The following SNTG2 variants were observed in gnomAD, a reference collection of about 807,000 sequenced individuals.
SNTG2 encodes the protein gamma-2-syntrophin.
Under a neutral mutation model 70.9 loss-of-function variants are expected in SNTG2, and 74 were observed. That is an observed-to-expected ratio of 1.04 (90% CI 0.86 to 1.27). SNTG2 has a LOEUF of 1.27. Among genes scored for constraint, SNTG2 ranks in the 50% most tolerant of loss-of-function variants. The pLI is 0.00. For missense variants in SNTG2, 717 were observed against 690.7 expected (o/e 1.04, Z -0.43); for synonymous variants, 278 against 273.8 (o/e 1.02, Z -0.15).
chr2:1,114,111 C>A (rs1354285264), intron 4 of SNTG2, among the ~76,000 whole-genome samples: 2 of 150,894 alleles, frequency 1.3e-5, no homozygotes, highest in African/African-American at 4.9e-5. Flanking sequence ...CCCTTACAGT[C>A]CTTTGAGGAG....
intron 16 of SNTG2, among the ~76,000 whole-genome samples, chr2:1,339,874 G>A (rs552772830): frequency 2.0e-5 from 3 of 152,178 alleles, no homozygotes; most frequent in East Asian, 3.9e-4. Flanking sequence ...CTATGCTAAC[G>A]ACCAAATGAG....
At chr2:1,069,879 C>G (rs763167151) in intron 1 of SNTG2, among the ~76,000 whole-genome samples, 5 of 152,104 alleles carry the variant, frequency 3.3e-5, no homozygotes, top group African/African-American at 1.2e-4. Flanking sequence ...GAGATGTCCC[C>G]GGGAACTCTG....
At position 1,092,255 on chromosome 2, in the gene SNTG2, G is replaced by A. The variant is rs34290267; in HGVS notation, c.211-5941G>A. ...CTTTCAAGCCCTTCAATTAGAGAGA[G>A]AAAAAAAAACCCTTATTTTCTAGGT... On this transcript the variant is annotated intron_variant, in intron 2 of 16. Transcript: ENST00000308624. Among the ~76,000 whole-genome samples, 240 of 25,390 alleles carry A rather than the reference G, an allele frequency of 9.5e-3. 2 individuals are homozygous for A. Among genetic ancestry groups the A allele is most frequent in the African/African-American group, 0.034 (174 of 5,078 alleles). 16.7% of individuals were successfully genotyped at this position (25,390 alleles called of 152,430 possible).
At chr2:956,739 C>T (rs908132451) in intron 1 of SNTG2, among the ~76,000 whole-genome samples, 2 of 152,224 alleles carry the variant, frequency 1.3e-5, no homozygotes, top group African/African-American at 4.8e-5. Context: ...TGGTAGCTGA[C>T]CCATGTGTCA....
At chr2:958,919 A>G (rs564137176) in intron 1 of SNTG2, among the ~76,000 whole-genome samples, 5 of 152,352 alleles carry the variant, frequency 3.3e-5, no homozygotes, top group African/African-American at 1.2e-4. Context: ...GGTAAGAGTT[A>G]AGAAATTAGA....
At chr2:1,223,470 G>A (rs541648681) in intron 9 of SNTG2, among the ~76,000 whole-genome samples, 31 of 152,258 alleles carry the variant, frequency 2.0e-4, no homozygotes, top group South Asian at 4.1e-4. Flanking sequence ...CAACTGCGTC[G>A]GATTCCTCAG....
chr2:1,011,800 T>TA (rs142130789), intron 1 of SNTG2, among the ~76,000 whole-genome samples: 1 of 152,122 alleles, frequency 6.6e-6, no homozygotes, highest in Non-Finnish European at 1.5e-5. Flanking sequence ...TATTATCAAC[T>TA]AAAAAACACA....
chr2:1,208,368 G>A (rs1289648140), intron 8 of SNTG2, among the ~76,000 whole-genome samples: 1 of 150,838 alleles, frequency 6.6e-6, no homozygotes, highest in African/African-American at 2.4e-5. Context: ...GGTCGCTGGG[G>A]CGGCAGCACC....
chr2:1,070,431 A>G (rs183611954), intron 1 of SNTG2, among the ~76,000 whole-genome samples: 1 of 152,264 alleles, frequency 6.6e-6, no homozygotes, highest in Non-Finnish European at 1.5e-5. Flanking sequence ...TTAGCCGTTG[A>G]TGAGGGTTAA....
At chr2:1,159,107 T>C (rs1365579055) in intron 6 of SNTG2, among the ~76,000 whole-genome samples, 3 of 43,022 alleles carry the variant, frequency 7.0e-5, no homozygotes, top group South Asian at 6.3e-4. Flanking sequence ...TGCGTGTACC[T>C]GTGTGTTCGT....
At chr2:1,272,127 A>G (rs1007457558) in intron 14 of SNTG2, among the ~76,000 whole-genome samples, 1 of 152,090 alleles carries the variant, frequency 6.6e-6, no homozygotes, top group East Asian at 1.9e-4. Context: ...TTTATTGTGC[A>G]CTTTATTTCT....
intron 12 of SNTG2, among the ~76,000 whole-genome samples, chr2:1,249,345 T>C (rs995518181): frequency 2.0e-5 from 3 of 152,266 alleles, no homozygotes; most frequent in African/African-American, 7.2e-5. Flanking sequence ...GTCTTGCTTT[T>C]ACAGATGAAG....
At chr2:1,301,785 A>G (rs1210247383) in intron 14 of SNTG2, among the ~76,000 whole-genome samples, 1 of 151,928 alleles carries the variant, frequency 6.6e-6, no homozygotes, top group African/African-American at 2.4e-5. Flanking sequence ...ATTTTCTGAT[A>G]AAAAAAATTA....
At chr2:1,168,572 C>G (rs527384296) in intron 7 of SNTG2, among the ~76,000 whole-genome samples, 1 of 152,364 alleles carries the variant, frequency 6.6e-6, no homozygotes, top group East Asian at 1.9e-4. Flanking sequence ...TCATTAGACT[C>G]ATAGCATGAC....
At chr2:1,050,644 C>G (rs1307236014) in intron 1 of SNTG2, among the ~76,000 whole-genome samples, 2 of 152,010 alleles carry the variant, frequency 1.3e-5, no homozygotes, top group Admixed American at 1.3e-4. Context: ...TATAGTTGGC[C>G]CTTTGCATTT....
intron 11 of SNTG2, among the ~76,000 whole-genome samples, chr2:1,241,787 T>TC (rs2148116615): frequency 6.6e-6 from 1 of 152,274 alleles, no homozygotes; most frequent in South Asian, 2.1e-4. Context: ...TGTTTTTGCT[T>TC]CATCTCAGTG....
At chr2:966,652 CAA>C (rs1660577328) in intron 1 of SNTG2, among the ~76,000 whole-genome samples, 1 of 152,062 alleles carries the variant, frequency 6.6e-6, no homozygotes, top group South Asian at 2.1e-4. Context: ...ATTTCAAAAA[CAA>C]ATAATAGTTT....
chr2:997,961 T>A (rs989250681), intron 1 of SNTG2, among the ~76,000 whole-genome samples: 7 of 152,222 alleles, frequency 4.6e-5, no homozygotes, highest in African/African-American at 1.7e-4. Context: ...TCCGCCACTC[T>A]GTCTCTGCAA....
chr2:1,296,141 G>A (rs372208442), intron 14 of SNTG2, among the ~76,000 whole-genome samples: 3 of 152,302 alleles, frequency 2.0e-5, no homozygotes, highest in East Asian at 1.9e-4. Flanking sequence ...TCAGGCAGAC[G>A]TCACTATCAG....
Sources: gnomAD v4.1 joint callset for allele counts (sites outside exome capture counted in the v4.1 genomes callset) on GRCh38, gnomAD v4.1.1 for gene constraint, MANE v1.5 for transcripts, NCBI Gene and HGNC (gene_info 2026-07-23, HGNC 2026-07-21) for gene names.